The following COLEC10 variants were observed in gnomAD, a reference collection of about 807,000 sequenced individuals.
The protein encoded by COLEC10 is collectin-10.
A neutral mutation model predicts 28.4 loss-of-function variants in COLEC10; 22 were observed. That is an observed-to-expected ratio of 0.78 (90% CI 0.55 to 1.11). The LOEUF is 1.11. Among genes scored for constraint, COLEC10 ranks in the 50% least tolerant of loss-of-function variants. The probability of loss-of-function intolerance (pLI) is 0.00; values close to 1 mark genes in which losing one functional copy is unlikely to be tolerated. For synonymous variants in COLEC10, 125 were observed against 116.1 expected (o/e 1.08, Z -0.49); for missense variants, 361 against 344.1 (o/e 1.05, Z -0.39).
At chr8:118,982,295 T>C in the COLEC10 span, among the ~76,000 whole-genome samples, 1 of 152,022 alleles carries the variant, frequency 6.6e-6, no homozygotes, top group African/African-American at 2.4e-5. Flanking sequence ...ACAAGTTCCC[T>C]CAAGAATAAA....
chr8:119,049,401 C>CTTTT (rs34885340), intron 2 of COLEC10, among the ~76,000 whole-genome samples: 2,057 of 60,356 alleles, frequency 0.034, 83 homozygotes, highest in African/African-American at 0.061. Context: ...ATTTTCTTTT[C>CTTTT]TTTTTTTTTT....
the COLEC10 span, among the ~76,000 whole-genome samples, chr8:118,976,929 A>T: frequency 1.3e-5 from 2 of 151,348 alleles, no homozygotes; most frequent in Non-Finnish European, 3.0e-5. Flanking sequence ...CCCATCAAAA[A>T]GTGGGCGAAG....
At chr8:118,963,244 A>G in the COLEC10 span, among the ~76,000 whole-genome samples, 1 of 152,200 alleles carries the variant, frequency 6.6e-6, no homozygotes, top group Non-Finnish European at 1.5e-5. Context: ...CGCATACATT[A>G]CCCATTTTCC....
At chr8:119,028,497 GGAA>G (rs1232236553) in intron 2 of COLEC10, among the ~76,000 whole-genome samples, 2 of 152,112 alleles carry the variant, frequency 1.3e-5, no homozygotes, top group Non-Finnish European at 2.9e-5. Context: ...GAGAAAATAA[GGAA>G]GAAGCCAAAG....
At chr8:119,000,484 C>T (rs557086982) in intron 1 of COLEC10, among the ~76,000 whole-genome samples, 38 of 152,214 alleles carry the variant, frequency 2.5e-4, no homozygotes, top group Admixed American at 1.9e-3. Flanking sequence ...GGAGCTTAAT[C>T]AGGCTTGAGT....
intron 2 of COLEC10, among the ~76,000 whole-genome samples, chr8:119,035,141 G>T (rs1814364333): frequency 6.6e-6 from 1 of 152,134 alleles, no homozygotes; most frequent in African/African-American, 2.4e-5. Context: ...CAAACAGAAT[G>T]AAAAATAATT....
intron 2 of COLEC10, among the ~76,000 whole-genome samples, chr8:119,046,360 C>A (rs1433416885): frequency 6.6e-6 from 1 of 152,162 alleles, no homozygotes; most frequent in Non-Finnish European, 1.5e-5. Flanking sequence ...TTAGAATCTG[C>A]AACCTTCATC....
At chr8:118,952,708 C>A in the COLEC10 span, among the ~76,000 whole-genome samples, 2 of 152,326 alleles carry the variant, frequency 1.3e-5, no homozygotes, top group South Asian at 4.1e-4. Flanking sequence ...CATCAAAGGG[C>A]TATTGGTATC....
the COLEC10 span, among the ~76,000 whole-genome samples, chr8:118,980,116 G>A: frequency 1.3e-5 from 2 of 151,738 alleles, no homozygotes; most frequent in Admixed American, 6.6e-5. Context: ...AGTCAATAAG[G>A]TTAGACAACC....
At chr8:119,097,555 C>T (rs1288622557) in intron 3 of COLEC10, among the ~76,000 whole-genome samples, 1 of 152,016 alleles carries the variant, frequency 6.6e-6, no homozygotes, top group African/African-American at 2.4e-5. Context: ...TCTTATGATA[C>T]ATATTCATTT....
chr8:118,980,212 T>C, the COLEC10 span, among the ~76,000 whole-genome samples: 2 of 151,812 alleles, frequency 1.3e-5, no homozygotes, highest in South Asian at 2.1e-4. Context: ...CTTTTTTTTT[T>C]TTTTTTTGAG....
intron 3 of COLEC10, among the ~76,000 whole-genome samples, chr8:119,092,054 A>G (rs1210559512): frequency 1.3e-5 from 2 of 150,054 alleles, no homozygotes; most frequent in East Asian, 3.9e-4. Flanking sequence ...ACTTGTTTTC[A>G]GTCTTGTCCT....
At chr8:118,958,372 C>G in the COLEC10 span, among the ~76,000 whole-genome samples, 2 of 152,204 alleles carry the variant, frequency 1.3e-5, no homozygotes, top group African/African-American at 4.8e-5. Flanking sequence ...ACTGCTTCTG[C>G]TGGGAGGAGT....
the COLEC10 span, among the ~76,000 whole-genome samples, chr8:118,965,614 T>C: frequency 0.018 from 2,664 of 151,806 alleles, 71 homozygotes; most frequent in African/African-American, 0.059. Context: ...TGTGAGATGG[T>C]AGAGTCTGTC....
chr8:118,978,005 GA>G, the COLEC10 span, among the ~76,000 whole-genome samples: 1 of 151,876 alleles, frequency 6.6e-6, no homozygotes, highest in Non-Finnish European at 1.5e-5. Context: ...GTACTTAATA[GA>G]AAGACGTAAG....
intron 1 of COLEC10, among the ~76,000 whole-genome samples, chr8:119,071,959 A>G (rs1257832661): frequency 1.3e-5 from 2 of 152,164 alleles, no homozygotes; most frequent in Non-Finnish European, 1.5e-5. Flanking sequence ...GGCCATGGCC[A>G]TTGTGCCACT....
the COLEC10 span, among the ~76,000 whole-genome samples, chr8:118,987,561 C>T: frequency 6.6e-6 from 1 of 151,968 alleles, no homozygotes; most frequent in African/African-American, 2.4e-5. Context: ...GATAATCTGT[C>T]TCAAAAAATA....
intron 1 of COLEC10, among the ~76,000 whole-genome samples, chr8:119,069,658 A>ATATATATATATATATG (rs1205061377): frequency 5.8e-4 from 71 of 122,704 alleles, no homozygotes; most frequent in Non-Finnish European, 9.8e-4. Flanking sequence ...ATATATATAT[A>ATATATATATATATATG]TATGTAAACT....
At chr8:119,048,796 C>T (rs919091974) in intron 2 of COLEC10, among the ~76,000 whole-genome samples, 3 of 151,858 alleles carry the variant, frequency 2.0e-5, no homozygotes, top group African/African-American at 7.2e-5. Flanking sequence ...ATCCAGCTTG[C>T]CACTCTATAG....
Sources: allele counts gnomAD v4.1 joint callset (sites outside exome capture counted in the v4.1 genomes callset), GRCh38; gene constraint gnomAD v4.1.1; transcripts MANE v1.5; gene names NCBI Gene and HGNC (gene_info 2026-07-23, HGNC 2026-07-21).